The following GOLGA7B variants were observed in gnomAD, a reference collection of about 807,000 sequenced individuals.
The protein encoded by GOLGA7B is golgin subfamily A member 7B.
GOLGA7B carries 17 observed loss-of-function variants against 21.5 expected under a neutral mutation model. The observed-to-expected ratio is 0.79, with a 90% CI of 0.54 to 1.19. GOLGA7B has a LOEUF of 1.19. Ranked by LOEUF, GOLGA7B falls within the 50% of genes most tolerant of loss-of-function variation. The probability of loss-of-function intolerance (pLI) is 0.00; values close to 1 mark genes in which losing one functional copy is unlikely to be tolerated. For missense variants in GOLGA7B, 169 were observed against 224.4 expected (o/e 0.75, Z 1.58); for synonymous variants, 87 against 84.0 (o/e 1.04, Z -0.19).
At chr10:97,859,738 A>G (rs1303784408) in intron 2 of GOLGA7B, among the ~76,000 whole-genome samples, 155 bp downstream of exon 2, 1 of 152,246 alleles carries the variant, frequency 6.6e-6, no homozygotes, top group Non-Finnish European at 1.5e-5. Flanking sequence ...AAAAATCAAA[A>G]GGATGATTCT....
At chr10:97,864,296 A>G in intron 4 of GOLGA7B, 27 bp downstream of exon 4, 1 of 1,580,546 alleles carries the variant, frequency 6.3e-7, no homozygotes, top group South Asian at 1.1e-5. Flanking sequence ...TTCTGTGTTG[A>G]GGGCACAGGA....
rs2050093013 is a variant in GOLGA7B, at chr10:97,871,491, T to C, written c.*5791T>C. On this transcript the variant is annotated 3_prime_UTR_variant, in exon 5 of 5. Transcript: ENST00000370602. ...ACGATGGCCTCATGATGTAGATTTATAGCAGGCTTCAGATTCTGGCATAGA... is the reference window on the plus strand; with the variant it reads ...ACGATGGCCTCATGATGTAGATTTACAGCAGGCTTCAGATTCTGGCATAGA... The C allele has an allele frequency of 6.6e-6, 1 of 152,278 alleles. No individual in the cohort carries two copies. Among genetic ancestry groups the C allele is most frequent in the Admixed American group, 6.5e-5 (1 of 15,290 alleles). The allele number at this position is 152,278 out of a possible 1,614,324, so 9.4% of individuals were successfully genotyped here. A position where few individuals can be genotyped will look rare whatever the true frequency, so the allele number is the denominator to read the frequency against.
At chr10:97,851,105 C>G (rs1191760358) in intron 1 of GOLGA7B, among the ~76,000 whole-genome samples, 1 of 152,130 alleles carries the variant, frequency 6.6e-6, no homozygotes, top group Non-Finnish European at 1.5e-5. Context: ...TATGTTCCCA[C>G]TTTATACATG....
chr10:97,861,251 C>T (rs770936393), intron 2 of GOLGA7B, among the ~76,000 whole-genome samples: 1 of 152,198 alleles, frequency 6.6e-6, no homozygotes, highest in Non-Finnish European at 1.5e-5. Flanking sequence ...TAGTAAGTAC[C>T]AGACAGGCTT....
Position 97,867,169 on chromosome 10 carries a change from T to C in GOLGA7B, c.*1469T>C, listed in dbSNP as rs1218064243. On this transcript the variant is annotated 3_prime_UTR_variant, in exon 5 of 5. Transcript: ENST00000370602. Reference sequence around the variant, plus strand: ...CAGGGGCTGGGGCTCTTTAAGGCTTTGTAGGTGAGGTTTCCATGGACCTTC... The same window carrying C: ...CAGGGGCTGGGGCTCTTTAAGGCTTCGTAGGTGAGGTTTCCATGGACCTTC... 6.6e-6 allele frequency: 1 copy of C among 152,124 alleles called. No individual in the cohort carries two copies. The highest frequency in any genetic ancestry group is 1.9e-4 in the East Asian group (1 of 5,190). 9.4% of individuals were successfully genotyped at this position (152,124 alleles called of 1,614,324 possible).
chr10:97,859,536 A>G lies in GOLGA7B; in HGVS notation c.91A>G (p.Thr31Ala). 2.5e-6 allele frequency: 4 copies of G among 1,614,128 alleles called. No individual in the cohort carries two copies. Among genetic ancestry groups the G allele is most frequent in the Non-Finnish European group, 3.4e-6 (4 of 1,180,008 alleles). Residue 31 changes from threonine to alanine, a missense_variant, in exon 2 of 5, where the codon ACC becomes GCC. Physicochemically the swap from Thr to Ala is moderately conservative, Grantham distance 58. Transcript: ENST00000370602. ...TATCCAGAGAGACTACAGCGATGGG[A>G]CCATCTGTCAGTTCCAGACCAAATT... ...VFIQRDYSDG[T>A]ICQFQTKFPP...
intron 3 of GOLGA7B, 21 bp downstream of exon 3, chr10:97,864,103 G>C (rs1002135100): frequency 6.2e-7 from 1 of 1,613,964 alleles, no homozygotes; most frequent in African/African-American, 1.3e-5. Flanking sequence ...CCGCCCCACC[G>C]TGCATCCCTT....
chr10:97,853,653 G>A (rs907986898), intron 1 of GOLGA7B, among the ~76,000 whole-genome samples: 9 of 152,228 alleles, frequency 5.9e-5, no homozygotes, highest in Admixed American at 1.3e-4. Flanking sequence ...TGAGGAAGGT[G>A]AGAAGTGGAG....
intron 1 of GOLGA7B, among the ~76,000 whole-genome samples, chr10:97,853,364 C>T (rs2049915382): frequency 6.6e-6 from 1 of 152,180 alleles, no homozygotes; most frequent in Admixed American, 6.5e-5. Flanking sequence ...CAGGGGGGCA[C>T]TCCTGTTGGA....
At chr10:97,863,858 C>A in intron 2 of GOLGA7B, 72 bp from the exon 3 acceptor site, 1 of 1,501,188 alleles carries the variant, frequency 6.7e-7, no homozygotes, top group Admixed American at 2.0e-5. Context: ...ACCATTGTCA[C>A]TTCCAGCCCT....
intron 2 of GOLGA7B, among the ~76,000 whole-genome samples, chr10:97,861,315 A>G (rs1157190690): frequency 6.6e-6 from 1 of 152,198 alleles, no homozygotes; most frequent in African/African-American, 2.4e-5. Flanking sequence ...TGCTGACACA[A>G]TTGCATCTTT....
At position 97,852,223 on chromosome 10, in the gene GOLGA7B, A is replaced by G. The variant is rs556089490; in HGVS notation, c.12+1908A>G. Among the ~76,000 whole-genome samples the G allele has an allele frequency of 9.9e-5, 15 of 152,264 alleles. No individual in the cohort carries two copies. The East Asian group carries it at 2.5e-3, about 25-fold the overall frequency. On this transcript the variant is annotated intron_variant, in intron 1 of 4. Coordinates refer to ENST00000370602, the MANE Select transcript of GOLGA7B (RefSeq NM_001010917.3). Reference sequence around the variant, plus strand: ...CCAGTGCTTTTTTTTCCTGCATCCAATTAGCCTATTGTGTCACCTGATAGA... The same window carrying G: ...CCAGTGCTTTTTTTTCCTGCATCCAGTTAGCCTATTGTGTCACCTGATAGA...
In GOLGA7B at chr10:97,865,818, C is replaced by T. The variant is rs570748713; in HGVS notation, c.*118C>T. 42 of 400,380 alleles carry T rather than the reference C, an allele frequency of 1.0e-4. No homozygotes were observed. Among genetic ancestry groups the T allele is most frequent in the South Asian group, 6.0e-4 (27 of 44,860 alleles). The allele number at this position is 400,380 out of a possible 1,614,324, so 24.8% of individuals were successfully genotyped here. On this transcript the variant is annotated 3_prime_UTR_variant, in exon 5 of 5. Transcript: ENST00000370602. The stretch of plus-strand genomic sequence containing the variant: ...CATTCTTTGGGCTCACCCTGCTGCC[C>T]GGGGTGGGAGGGAGGGTGACGGGCC...
At position 97,865,915 on chromosome 10, in the gene GOLGA7B, C is replaced by T; in HGVS notation, c.*215C>T. On this transcript the variant is annotated 3_prime_UTR_variant, in exon 5 of 5. Coordinates refer to ENST00000370602, the MANE Select transcript of GOLGA7B (RefSeq NM_001010917.3). ...CCGTCTGGATCAGTCCATTTCCTGA[C>T]CTGGGGGCTTTTCCTTCCCGATGGG... 1 of 735,238 alleles carries T rather than the reference C, an allele frequency of 1.4e-6. No homozygotes were observed. Among genetic ancestry groups the T allele is most frequent in the Admixed American group, 3.2e-5 (1 of 31,000 alleles). The allele number at this position is 735,238 out of a possible 1,614,324, so 45.5% of individuals were successfully genotyped here. A position where few individuals can be genotyped will look rare whatever the true frequency, so the allele number is the denominator to read the frequency against.
chr10:97,864,351 C>A, intron 4 of GOLGA7B, 82 bp downstream of exon 4: 1 of 1,175,780 alleles, frequency 8.5e-7, no homozygotes, highest in Non-Finnish European at 1.3e-6. Context: ...GGAAACGAGG[C>A]CACCTTAGGG....
intron 1 of GOLGA7B, among the ~76,000 whole-genome samples, chr10:97,851,303 G>A (rs964067200): frequency 2.0e-5 from 3 of 152,176 alleles, no homozygotes; most frequent in African/African-American, 7.2e-5. Flanking sequence ...TACACTGGGG[G>A]AGAGCAGAGG....
At chr10:97,853,618 T>A (rs2049917752) in intron 1 of GOLGA7B, among the ~76,000 whole-genome samples, 2 of 151,984 alleles carry the variant, frequency 1.3e-5, no homozygotes, top group South Asian at 4.2e-4. Context: ...GAGCCAGGGG[T>A]GGCAATGGGA....
In GOLGA7B at chr10:97,862,861, T is replaced by A. The variant is rs142764685; in HGVS notation, c.139-1069T>A. 6.5e-3 allele frequency among the ~76,000 whole-genome samples: 990 copies of A among 151,430 alleles called. 14 individuals carry two copies. The highest frequency in any genetic ancestry group is 0.022 in the African/African-American group (897 of 41,252). ...TGTTGAATAAGGTGAGACCCAAGGG[T>A]GTTAAGGGTGTCACGGCAGCCTGCA... On this transcript the variant is annotated intron_variant, in intron 2 of 4. Coordinates refer to ENST00000370602, the MANE Select transcript of GOLGA7B (RefSeq NM_001010917.3).
At position 97,868,952 on chromosome 10, in the gene GOLGA7B, T is replaced by A. The variant is rs915408840; in HGVS notation, c.*3252T>A. On this transcript the variant is annotated 3_prime_UTR_variant, in exon 5 of 5. Coordinates refer to ENST00000370602, the MANE Select transcript of GOLGA7B (RefSeq NM_001010917.3). ...AGTCATTCAATTCTCACAGCAACCCTCTATGGCATGGATTCTTATTTCCCA... is the reference window on the plus strand; with the variant it reads ...AGTCATTCAATTCTCACAGCAACCCACTATGGCATGGATTCTTATTTCCCA... The A allele has an allele frequency of 6.6e-6, 1 of 152,212 alleles. No individual in the cohort carries two copies. Among genetic ancestry groups the A allele is most frequent in the Non-Finnish European group, 1.5e-5 (1 of 68,038 alleles). The allele number at this position is 152,212 out of a possible 1,614,324, so 9.4% of individuals were successfully genotyped here. A position where few individuals can be genotyped will look rare whatever the true frequency, so the allele number is the denominator to read the frequency against.
Sources: allele counts gnomAD v4.1 joint callset (sites outside exome capture counted in the v4.1 genomes callset), GRCh38; gene constraint gnomAD v4.1.1; transcripts MANE v1.5; gene names NCBI Gene and HGNC (gene_info 2026-07-23, HGNC 2026-07-21).